Variants in MACROD2 observed in about 807,000 individuals in gnomAD.
MACROD2 encodes the protein ADP-ribose glycohydrolase MACROD2.
Under a neutral mutation model 70.4 loss-of-function variants are expected in MACROD2, and 36 were observed. The ratio of observed to expected loss-of-function variants is 0.51; its 90% CI spans 0.39 to 0.68. The LOEUF (loss-of-function observed/expected upper bound fraction) is 0.68, where lower values mean the gene tolerates loss of function less well. MACROD2 is among the 30% of genes least tolerant of loss of function. MACROD2 has a pLI of 0.00. For synonymous variants in MACROD2, 172 were observed against 178.8 expected (o/e 0.96, Z 0.30); for missense variants, 496 against 538.4 (o/e 0.92, Z 0.78).
At chr20:15,060,657 G>A (rs1432802511) in intron 5 of MACROD2, among the ~76,000 whole-genome samples, 1 of 152,068 alleles carries the variant, frequency 6.6e-6, no homozygotes, top group Non-Finnish European at 1.5e-5. Flanking sequence ...TTCTCCCATG[G>A]CTTCATGTGC....
chr20:16,009,523 G>A lies in MACROD2; in HGVS notation c.1153+22365G>A, dbSNP rs374203740. ...TGTAATCCCAGCACTTCGGGAGGCC[G>A]AGGCGGGCAGATCACCTGAGGTCAG... On this transcript the variant is annotated intron_variant, in intron 15 of 17. Transcript: ENST00000684519. 4.2e-4 allele frequency among the ~76,000 whole-genome samples: 64 copies of A among 152,268 alleles called. No individual in the cohort carries two copies. The East Asian group carries it at 6.2e-3, about 15-fold the overall frequency.
chr20:14,232,767 C>T (rs2081829434), intron 3 of MACROD2, among the ~76,000 whole-genome samples: 1 of 152,240 alleles, frequency 6.6e-6, no homozygotes, highest in East Asian at 1.9e-4. Context: ...TGTGTGTTCA[C>T]TGAAGTGGCA....
chr20:15,826,332 A>C (rs2063996796), intron 8 of MACROD2, among the ~76,000 whole-genome samples: 2 of 152,190 alleles, frequency 1.3e-5, no homozygotes, highest in South Asian at 4.1e-4. Context: ...TGGGGAGGGA[A>C]AGGTGAAAAA....
chr20:15,514,566 C>T (rs929922564), intron 8 of MACROD2, among the ~76,000 whole-genome samples: 21 of 152,158 alleles, frequency 1.4e-4, no homozygotes, highest in African/African-American at 5.1e-4. Context: ...TATAAGTATA[C>T]TCTATGATGT....
intron 3 of MACROD2, among the ~76,000 whole-genome samples, chr20:14,208,509 G>T (rs533310307): frequency 6.6e-6 from 1 of 152,146 alleles, no homozygotes; most frequent in East Asian, 1.9e-4. Context: ...GAACCCAAGA[G>T]TTCAGAACAG....
At chr20:14,296,817 C>A (rs1286304196) in intron 3 of MACROD2, among the ~76,000 whole-genome samples, 1 of 151,982 alleles carries the variant, frequency 6.6e-6, no homozygotes, top group South Asian at 2.1e-4. Flanking sequence ...TTTTATATAC[C>A]TATACACATA....
At chr20:15,699,407 C>T (rs2050422965) in intron 8 of MACROD2, among the ~76,000 whole-genome samples, 1 of 152,186 alleles carries the variant, frequency 6.6e-6, no homozygotes, top group Non-Finnish European at 1.5e-5. Context: ...GTTGTCTGCA[C>T]AGAGTCCTGT....
intron 3 of MACROD2, among the ~76,000 whole-genome samples, chr20:14,371,259 A>G (rs144369959): frequency 1.2e-3 from 190 of 152,166 alleles, no homozygotes; most frequent in African/African-American, 4.4e-3. Flanking sequence ...CTGAGGTGGG[A>G]GGATCACTTG....
At chr20:15,558,615 AT>A (rs2048200212) in intron 8 of MACROD2, among the ~76,000 whole-genome samples, 1 of 151,968 alleles carries the variant, frequency 6.6e-6, no homozygotes, top group African/African-American at 2.4e-5. Flanking sequence ...GTGTGTTATT[AT>A]TTTTCCCCCT....
At chr20:14,345,000 A>G (rs963965919) in intron 3 of MACROD2, among the ~76,000 whole-genome samples, 7 of 152,182 alleles carry the variant, frequency 4.6e-5, no homozygotes, top group African/African-American at 1.7e-4. Context: ...AGCTTATCAG[A>G]TCATATCTTA....
intron 5 of MACROD2, among the ~76,000 whole-genome samples, chr20:14,932,347 C>A (rs1016997147): frequency 6.6e-6 from 1 of 152,058 alleles, no homozygotes; most frequent in Non-Finnish European, 1.5e-5. Context: ...TGGGAACAGG[C>A]GGAGTGAAAA....
In MACROD2 at chr20:14,920,037, G is replaced by T. The variant is rs186278722; in HGVS notation, c.418+235078G>T. On this transcript the variant is annotated intron_variant, in intron 5 of 17. Coordinates refer to ENST00000684519, the MANE Select transcript of MACROD2 (RefSeq NM_001351661.2). ...GATCGCTGCAGGCTGACATTGCATC[G>T]TGATTTCTCTGCATCTCAAACAGCC... 2.6e-5 allele frequency among the ~76,000 whole-genome samples: 4 copies of T among 152,214 alleles called. No individual in the cohort carries two copies. In the East Asian group the frequency reaches 7.8e-4, roughly 30 times the overall value.
At chr20:15,806,566 G>T (rs1328336118) in intron 8 of MACROD2, among the ~76,000 whole-genome samples, 5 of 151,970 alleles carry the variant, frequency 3.3e-5, no homozygotes, top group African/African-American at 9.7e-5. Flanking sequence ...ACTGATAACT[G>T]AGGAAGCATT....
intron 3 of MACROD2, among the ~76,000 whole-genome samples, chr20:14,461,366 T>TAAAA (rs764879038): frequency 6.6e-6 from 1 of 151,970 alleles, no homozygotes; most frequent in Non-Finnish European, 1.5e-5. Flanking sequence ...TTAATCTTTT[T>TAAAA]AAAAAACCAG....
chr20:15,302,387 C>CACACACACACACACGACAT (rs6147301), intron 6 of MACROD2, among the ~76,000 whole-genome samples: 82,854 of 150,330 alleles, frequency 0.55, 23,644 homozygotes, highest in East Asian at 0.79. Flanking sequence ...CACACATACA[C>CACACACACACACACGACAT]ACATACAGAT....
rs114796964 is a variant in MACROD2 at position 14,124,638 on chromosome 20, T to G, written c.271+38910T>G. 4.9e-3 allele frequency among the ~76,000 whole-genome samples: 745 copies of G among 152,082 alleles called. 8 individuals are homozygous for G. The highest frequency in any genetic ancestry group is 0.017 in the African/African-American group (722 of 41,508). ...TTAAAAATAAAGGAAGTGGTGAGAA[T>G]GGAATAAAAAGTGCTGCAGAGGATG... On this transcript the variant is annotated intron_variant, in intron 3 of 17. Coordinates refer to ENST00000684519, the MANE Select transcript of MACROD2 (RefSeq NM_001351661.2).
chr20:15,737,279 G>C (rs2146959659), intron 8 of MACROD2, among the ~76,000 whole-genome samples: 1 of 152,304 alleles, frequency 6.6e-6, no homozygotes, highest in South Asian at 2.1e-4. Flanking sequence ...CATGTGAGGG[G>C]AGAAACTTAA....
intron 3 of MACROD2, among the ~76,000 whole-genome samples, chr20:14,170,326 T>G (rs2224737): frequency 0.95 from 145,020 of 152,254 alleles, 69,077 homozygotes; most frequent in East Asian, 0.99. Flanking sequence ...ATGATTTAGA[T>G]CCCCTTTATT....
intron 3 of MACROD2, among the ~76,000 whole-genome samples, chr20:14,351,583 G>A (rs2083123594): frequency 6.6e-6 from 1 of 152,096 alleles, no homozygotes; most frequent in Admixed American, 6.5e-5. Context: ...ATTTTTGCAT[G>A]TTGATTTTGT....
Sources: gnomAD v4.1 joint callset for allele counts (sites outside exome capture counted in the v4.1 genomes callset) on GRCh38, gnomAD v4.1.1 for gene constraint, MANE v1.5 for transcripts, NCBI Gene and HGNC (gene_info 2026-07-23, HGNC 2026-07-21) for gene names.